THSD7A: variants seen among roughly 807,000 people sequenced by gnomAD.
The protein encoded by THSD7A is thrombospondin type 1 domain containing 7A, also known as thrombospondin type-1 domain-containing protein 7A.
In THSD7A, 96 loss-of-function variants were observed where a neutral mutation model predicts 231.3. That is an observed-to-expected ratio of 0.41 (90% confidence interval 0.35 to 0.49). The LOEUF is 0.49. Ranked by LOEUF, THSD7A falls within the 20% of genes least tolerant of loss-of-function variation. THSD7A has a pLI of 0.05. For synonymous variants in THSD7A, 940 were observed against 743.3 expected (o/e 1.26, Z -4.30); for missense variants, 2,290 against 2,070.2 (o/e 1.11, Z -2.06).
intron 23 of THSD7A, among the ~76,000 whole-genome samples, chr7:11,398,529 A>G (rs943517824): frequency 2.0e-5 from 3 of 152,110 alleles, no homozygotes; most frequent in African/African-American, 7.2e-5. Flanking sequence ...TGTACCCCAG[A>G]ACTTAAAGTA....
rs183213822 is a variant in THSD7A at position 11,801,053 on chromosome 7, G to A, written c.190+30704C>T. On this transcript the variant is annotated intron_variant, in intron 1 of 27. Transcript: ENST00000423059. ...GTGATGGCTCACGCCTGTAATCCTA[G>A]CACTTTGGGAGGCTGAGGTGGGAGG... 6.2e-4 allele frequency among the ~76,000 whole-genome samples: 95 copies of A among 152,218 alleles called. 1 individual carries two copies. In the East Asian group the frequency reaches 0.016, roughly 25 times the overall value.
chr7:11,683,547 A>T (rs978471363), intron 1 of THSD7A, among the ~76,000 whole-genome samples: 4 of 152,048 alleles, frequency 2.6e-5, no homozygotes, highest in African/African-American at 9.7e-5. Flanking sequence ...TGACATTACA[A>T]CCAATCCCAA....
At chr7:11,568,164 T>G (rs969907289) in intron 4 of THSD7A, among the ~76,000 whole-genome samples, 1 of 152,192 alleles carries the variant, frequency 6.6e-6, no homozygotes, top group African/African-American at 2.4e-5. Flanking sequence ...ACAACTTTAG[T>G]CCTTATCTGT....
intron 6 of THSD7A, among the ~76,000 whole-genome samples, chr7:11,508,214 G>A (rs1037867576): frequency 4.6e-5 from 7 of 152,238 alleles, no homozygotes; most frequent in African/African-American, 1.7e-4. Context: ...AGATTTGGGT[G>A]GAGACAAAGA....
intron 6 of THSD7A, among the ~76,000 whole-genome samples, chr7:11,484,849 C>T (rs1202825043): frequency 6.9e-6 from 1 of 143,982 alleles, no homozygotes; most frequent in Non-Finnish European, 1.5e-5. Context: ...GCCTCTCAGA[C>T]TCAACCCACT....
At chr7:11,422,443 C>T (rs533212821) in intron 16 of THSD7A, among the ~76,000 whole-genome samples, 1 of 152,048 alleles carries the variant, frequency 6.6e-6, no homozygotes, top group African/African-American at 2.4e-5. Flanking sequence ...CAATCAGTAA[C>T]AAACAGAAAC....
rs540419087 is a variant in THSD7A, at chr7:11,512,528, C to A, written c.1822+28891G>T. 5.9e-5 allele frequency among the ~76,000 whole-genome samples: 9 copies of A among 152,128 alleles called. No homozygotes were observed. In the South Asian group the frequency reaches 1.9e-3, roughly 32 times the overall value. ...CTATTCACAAGAGCAGACTTGGAAC[C>A]AACCCAAATGTTCATCAATAATAGA... is the stretch of plus-strand genomic sequence containing the variant. On this transcript the variant is annotated intron_variant, in intron 6 of 27. Coordinates refer to ENST00000423059, the MANE Select transcript of THSD7A (RefSeq NM_015204.3).
Position 11,562,482 on chromosome 7 carries a change from A to AT in THSD7A, c.1454-19366dup, listed in dbSNP as rs113926690. 8.4e-3 allele frequency among the ~76,000 whole-genome samples: 1,265 copies of AT among 151,482 alleles called. 18 individuals are homozygous for AT. Among genetic ancestry groups the AT allele is most frequent in the African/African-American group, 0.029 (1,196 of 41,376 alleles). On this transcript the variant is annotated intron_variant, in intron 4 of 27. Coordinates refer to ENST00000423059, the MANE Select transcript of THSD7A (RefSeq NM_015204.3). ...AGGCACTCAAAACCTCCTGATACGT[A>AT]TTTTTTTTTCCATTGTCATCCCTGT... is the stretch of plus-strand genomic sequence containing the variant.
intron 1 of THSD7A, among the ~76,000 whole-genome samples, chr7:11,687,876 T>C (rs868381635): frequency 2.6e-5 from 4 of 151,674 alleles, no homozygotes; most frequent in African/African-American, 9.7e-5. Flanking sequence ...CTTTTTTTTT[T>C]AATTTAATTT....
At chr7:11,735,025 T>G (rs1781864640) in intron 1 of THSD7A, among the ~76,000 whole-genome samples, 1 of 151,976 alleles carries the variant, frequency 6.6e-6, no homozygotes, top group Admixed American at 6.6e-5. Context: ...AACCCTCTGC[T>G]TCTTCAAATA....
chr7:11,732,948 T>C (rs1781785842), intron 1 of THSD7A, among the ~76,000 whole-genome samples: 8 of 151,902 alleles, frequency 5.3e-5, no homozygotes, highest in Admixed American at 4.6e-4. Flanking sequence ...TATACCATAA[T>C]AAACTTTTCA....
chr7:11,691,235 G>T (rs1780221125), intron 1 of THSD7A, among the ~76,000 whole-genome samples: 1 of 151,446 alleles, frequency 6.6e-6, no homozygotes, highest in Non-Finnish European at 1.5e-5. Context: ...AGATTCTCTT[G>T]TCATTCTAGA....
At chr7:11,787,608 C>T (rs745993409) in intron 1 of THSD7A, among the ~76,000 whole-genome samples, 4 of 151,898 alleles carry the variant, frequency 2.6e-5, no homozygotes, top group East Asian at 1.9e-4. Flanking sequence ...CCTAAACAGC[C>T]GCTACACCAA....
At chr7:11,507,892 G>A (rs1195776376) in intron 6 of THSD7A, among the ~76,000 whole-genome samples, 1 of 152,082 alleles carries the variant, frequency 6.6e-6, no homozygotes, top group Non-Finnish European at 1.5e-5. Context: ...TGCTGTAAAG[G>A]TACTACCTGA....
chr7:11,470,893 A>G (rs1223195419), intron 8 of THSD7A, among the ~76,000 whole-genome samples: 1 of 151,948 alleles, frequency 6.6e-6, no homozygotes, highest in African/African-American at 2.4e-5. Context: ...ATAAGCTTTC[A>G]CTTCTTAAGA....
intron 1 of THSD7A, among the ~76,000 whole-genome samples, chr7:11,670,240 T>C (rs1006649733): frequency 6.6e-6 from 1 of 152,172 alleles, no homozygotes; most frequent in Non-Finnish European, 1.5e-5. Flanking sequence ...CACCAGATTC[T>C]GGAGAGCCTG....
intron 1 of THSD7A, among the ~76,000 whole-genome samples, chr7:11,735,484 T>G (rs191016319): frequency 6.6e-6 from 1 of 152,100 alleles, no homozygotes; most frequent in Admixed American, 6.6e-5. Context: ...TCAGGCTATG[T>G]GTGTAAGGTG....
intron 1 of THSD7A, among the ~76,000 whole-genome samples, chr7:11,765,537 T>C (rs1783005414): frequency 6.6e-6 from 1 of 152,182 alleles, no homozygotes; most frequent in Non-Finnish European, 1.5e-5. Context: ...ATAGTTAAAA[T>C]ATATATGGTT....
chr7:11,552,935 C>G (rs985807433), intron 4 of THSD7A, among the ~76,000 whole-genome samples: 21 of 152,080 alleles, frequency 1.4e-4, no homozygotes, highest in African/African-American at 5.1e-4. Context: ...AGCACATCCC[C>G]CTCCCTCGGG....
Sources: allele counts gnomAD v4.1 joint callset (sites outside exome capture counted in the v4.1 genomes callset), GRCh38; gene constraint gnomAD v4.1.1; transcripts MANE v1.5; gene names NCBI Gene and HGNC (gene_info 2026-07-23, HGNC 2026-07-21).